The following ABCB5 variants were observed in gnomAD, a reference collection of about 807,000 sequenced individuals.
ABCB5 encodes the protein ATP binding cassette subfamily B member 5.
A neutral mutation model predicts 144.2 loss-of-function variants in ABCB5; 155 were observed. That is an observed-to-expected ratio of 1.08 (90% CI 0.94 to 1.23). The LOEUF (loss-of-function observed/expected upper bound fraction) is 1.23. Ranked by LOEUF, ABCB5 falls within the 50% of genes most tolerant of loss-of-function variation. ABCB5 has a pLI of 0.00. For synonymous variants in ABCB5, 610 were observed against 528.6 expected (o/e 1.15, Z -2.11); for missense variants, 1,830 against 1,520.8 (o/e 1.20, Z -3.38).
chr7:20,664,794 A>G lies in ABCB5; in HGVS notation c.1707+6118A>G, dbSNP rs145629843. Reference sequence around the variant, plus strand: ...CAAATACTTAAATGATTAGCTTGTTAATAAAGTTAAGTAAAGCTGGGAGTG... The same window carrying G: ...CAAATACTTAAATGATTAGCTTGTTGATAAAGTTAAGTAAAGCTGGGAGTG... On this transcript the variant is annotated intron_variant, in intron 14 of 27. Coordinates refer to ENST00000404938, the MANE Select transcript of ABCB5 (RefSeq NM_001163941.2). Among the ~76,000 whole-genome samples the G allele has an allele frequency of 2.0e-4, 31 of 152,340 alleles. No homozygotes were observed. The East Asian group carries it at 5.8e-3, about 28-fold the overall frequency.
At chr7:20,679,626 A>T (rs952058311) in intron 14 of ABCB5, among the ~76,000 whole-genome samples, 1 of 102,370 alleles carries the variant, frequency 9.8e-6, no homozygotes, top group African/African-American at 3.6e-5. Context: ...TAATAGAAAA[A>T]TGAGAAAAAA....
In ABCB5 at chr7:20,704,804, A is replaced by T. The variant is rs1462000248; in HGVS notation, c.2418A>T (p.Gln806His). ...TAGCCATAGATATAGCACAAATTCA[A>T]GGAGTATGTATATTGTTTTTATTGT... Reference protein sequence around the residue: ...TILAIDIAQIQGATGSRIGVL... With the variant: ...TILAIDIAQIHGATGSRIGVL... Residue 806 changes from glutamine (Q) to histidine (H), a missense_variant, in exon 20 of 28, where the codon CAA (glutamine) becomes CAT (histidine). By Grantham distance (24) the Gln-to-His change is conservative. Coordinates refer to ENST00000404938, the MANE Select transcript of ABCB5 (RefSeq NM_001163941.2). 6.2e-7 allele frequency: 1 copy of T among 1,610,162 alleles called. No homozygotes were observed. The highest frequency in any genetic ancestry group is 8.5e-7 in the Non-Finnish European group (1 of 1,176,946).
At chr7:20,651,736 C>A in intron 13 of ABCB5, 113 bp downstream of exon 13, 1 of 1,144,814 alleles carries the variant, frequency 8.7e-7, no homozygotes, top group African/African-American at 1.5e-5. Context: ...TGATTAAATT[C>A]TGGATTGTCC....
At chr7:20,618,513 G>T (rs569882674) in intron 1 of ABCB5, among the ~76,000 whole-genome samples, 1 of 152,044 alleles carries the variant, frequency 6.6e-6, no homozygotes, top group African/African-American at 2.4e-5. Flanking sequence ...CCTTCGCCCA[G>T]GTAGTGAGCA....
rs184552866 is a variant in ABCB5 at position 20,711,623 on chromosome 7, A to G, written c.2421+6816A>G. On this transcript the variant is annotated intron_variant, in intron 20 of 27. Transcript: ENST00000404938. ...ACTCTGGGCACATGCCACCATGTCC[A>G]GTTAATTGTTTGTAGATACAGGGTT... 1.4e-5 allele frequency among the ~76,000 whole-genome samples: 2 copies of G among 147,920 alleles called. 1 individual carries two copies. Among genetic ancestry groups the G allele is most frequent in the Non-Finnish European group, 3.0e-5 (2 of 66,778 alleles).
intron 1 of ABCB5, among the ~76,000 whole-genome samples, chr7:20,619,387 G>T (rs1035746829): frequency 6.6e-6 from 1 of 152,042 alleles, no homozygotes; most frequent in African/African-American, 2.4e-5. Flanking sequence ...ATTCTGATTG[G>T]TGTGAAGTGG....
rs1451229429 is a variant in ABCB5 at position 20,681,064 on chromosome 7, CTT to C, written c.1708-439_1708-438del. Among the ~76,000 whole-genome samples, 35 of 10,204 alleles carry C rather than the reference CTT, an allele frequency of 3.4e-3. 2 individuals are homozygous for C. Among genetic ancestry groups the C allele is most frequent in the Admixed American group, 5.8e-3 (4 of 688 alleles). The allele number at this position is 10,204 out of a possible 152,430, so 6.7% of individuals were successfully genotyped here. ...TCTTTCTTTCTCTCTCTCTCTCTTT[CTT>C]TCTTTCTTTCTTTCTTTCTTTCTTT... is the stretch of plus-strand genomic sequence containing the variant. On this transcript the variant is annotated intron_variant, in intron 14 of 27. Transcript: ENST00000404938.
intron 13 of ABCB5, among the ~76,000 whole-genome samples, chr7:20,652,917 A>C (rs374797610): frequency 2.0e-5 from 3 of 151,710 alleles, no homozygotes; most frequent in South Asian, 4.2e-4. Context: ...GACTGTAATA[A>C]TTTTATTCTT....
At chr7:20,686,162 A>C (rs1329145855) in intron 16 of ABCB5, among the ~76,000 whole-genome samples, 2 of 152,204 alleles carry the variant, frequency 1.3e-5, no homozygotes. Context: ...GTGATGCTCA[A>C]GATTAATTTG....
At chr7:20,677,885 A>T (rs2128037804) in intron 14 of ABCB5, among the ~76,000 whole-genome samples, 1 of 152,330 alleles carries the variant, frequency 6.6e-6, no homozygotes, top group East Asian at 1.9e-4. Flanking sequence ...AATGATCAAG[A>T]CCAGCTACAT....
Position 20,650,130 on chromosome 7 carries a change from G to A in ABCB5, c.1315G>A (p.Asp439Asn), listed in dbSNP as rs776087695. ...AGTCCAGCTTCTGCAGAGGTTATAT[G>A]ATCCGGATGATGGCTTTGTAAGTGC... ...TVVQLLQRLYDPDDGFIMVDE... is the reference protein window; with the variant it reads ...TVVQLLQRLYNPDDGFIMVDE... The change falls in exon 12 of 28, where the codon GAT (aspartate) becomes AAT (asparagine). Residue 439 changes from aspartate (D) to asparagine (N), a missense_variant. Asp to Asn is a conservative substitution (Grantham distance 23). Transcript: ENST00000404938. 6.2e-7 allele frequency: 1 copy of A among 1,613,494 alleles called. No individual in the cohort carries two copies. Among genetic ancestry groups the A allele is most frequent in the South Asian group, 1.1e-5 (1 of 91,062 alleles).
chr7:20,703,999 G>C (rs759683993), intron 19 of ABCB5, among the ~76,000 whole-genome samples: 24 of 149,660 alleles, frequency 1.6e-4, no homozygotes, highest in East Asian at 8.1e-4. Context: ...AAGAGAAAGA[G>C]ATAGACTTTT....
chr7:20,711,873 C>T (rs1232341186), intron 20 of ABCB5, among the ~76,000 whole-genome samples: 1 of 95,196 alleles, frequency 1.1e-5, no homozygotes, highest in Admixed American at 1.2e-4. Flanking sequence ...TTCCTCCCTC[C>T]CTCCCTCCCT....
chr7:20,731,355 G>GAAAAAAAAAAAAAA (rs869149519), intron 23 of ABCB5, among the ~76,000 whole-genome samples: 3 of 127,874 alleles, frequency 2.3e-5, no homozygotes, highest in East Asian at 4.5e-4. Flanking sequence ...TCCAACTCAG[G>GAAAAAAAAAAAAAA]AAAAAAAAAA....
At chr7:20,716,785 C>T (rs752156532) in intron 20 of ABCB5, among the ~76,000 whole-genome samples, 1 of 152,152 alleles carries the variant, frequency 6.6e-6, no homozygotes, top group African/African-American at 2.4e-5. Flanking sequence ...AGAAGAGAAA[C>T]TGGACAATCT....
rs546264636 is a variant in ABCB5, at chr7:20,742,863, A to G, written c.3025-14A>G. 2 of 1,613,630 alleles carry G rather than the reference A, an allele frequency of 1.2e-6. No homozygotes were observed. Among genetic ancestry groups the G allele is most frequent in the Admixed American group, 3.3e-5 (2 of 60,022 alleles). ...CAAGTCATTCTTCTCAACTCTGTCAACTTCCTTTCACAGGACACATGTGAA... is the reference window on the plus strand; with the variant it reads ...CAAGTCATTCTTCTCAACTCTGTCAGCTTCCTTTCACAGGACACATGTGAA... On this transcript the variant is annotated splice_polypyrimidine_tract_variant and intron_variant, in intron 24 of 27. Transcript: ENST00000404938.
At chr7:20,668,650 T>C (rs1376676781) in intron 14 of ABCB5, among the ~76,000 whole-genome samples, 2 of 138,824 alleles carry the variant, frequency 1.4e-5, no homozygotes, top group Admixed American at 7.2e-5. Flanking sequence ...GAGGGACTCC[T>C]CTGCCCGGCC....
chr7:20,631,993 A>T, intron 4 of ABCB5, 66 bp from the exon 5 acceptor site: 1 of 1,047,338 alleles, frequency 9.5e-7, no homozygotes, highest in African/African-American at 1.6e-5. Flanking sequence ...TTGGAGGGCT[A>T]TCTGTGTAAC....
intron 9 of ABCB5, chr7:20,647,326 G>A: frequency 7.6e-7 from 1 of 1,317,756 alleles, no homozygotes; most frequent in Non-Finnish European, 9.6e-7. Context: ...AGGATACTTG[G>A]ATTAATCTGT....
Sources: gnomAD v4.1 joint callset for allele counts (sites outside exome capture counted in the v4.1 genomes callset) on GRCh38, gnomAD v4.1.1 for gene constraint, MANE v1.5 for transcripts, NCBI Gene and HGNC (gene_info 2026-07-23, HGNC 2026-07-21) for gene names.